DET1: variants seen among roughly 807,000 people sequenced by gnomAD.
DET1 encodes the protein DET1 homolog.
DET1 carries 22 observed loss-of-function variants against 43.7 expected under a neutral mutation model. The ratio of observed to expected loss-of-function variants is 0.50; its 90% CI spans 0.36 to 0.72. DET1 has a LOEUF of 0.72. Among genes scored for constraint, DET1 ranks in the 30% least tolerant of loss-of-function variants. The pLI, the probability that DET1 is intolerant of heterozygous loss-of-function variation, is 0.00. For missense variants in DET1, 713 were observed against 713.3 expected, an observed-to-expected ratio of 1.00 and a Z score of 0.00; for synonymous variants, 315 against 266.2, an observed-to-expected ratio of 1.18 and a Z score of -1.79.
At chr15:88,545,655 T>G (rs1437498395) in intron 1 of DET1, among the ~76,000 whole-genome samples, 1 of 75,294 alleles carries the variant, frequency 1.3e-5, no homozygotes, top group African/African-American at 7.7e-5. Flanking sequence ...AACTTATGTA[T>G]CTTAAGACTC....
At position 88,504,720 on chromosome 15, in the gene DET1, C is replaced by T. The variant is rs867116996; in HGVS notation, c.*2066-733G>A. On this transcript the variant is annotated intron_variant and NMD_transcript_variant, in intron 7 of 8. Transcript: ENST00000557842. The surrounding 1 kb of genome is among the most constrained non-coding windows in gnomAD (Gnocchi z 4.7). ...ACCCCAGGGCCAGGTACCAGACAACCAGGGATAGCACCTAGACCCCAGGGC... is the reference window on the plus strand; with the variant it reads ...ACCCCAGGGCCAGGTACCAGACAACTAGGGATAGCACCTAGACCCCAGGGC... The T allele has an allele frequency of 2.7e-4, 41 of 152,248 alleles. No homozygotes were observed. The highest frequency in any genetic ancestry group is 8.9e-4 in the African/African-American group (37 of 41,538). The allele number at this position is 152,248 out of a possible 1,614,324, so 9.4% of individuals were successfully genotyped here. A position where few individuals can be genotyped will look rare whatever the true frequency, so the allele number is the denominator to read the frequency against.
intron 8 of DET1, chr15:88,501,921 TTTGTTG>T (rs1208094798): frequency 6.6e-6 from 1 of 152,204 alleles, no homozygotes; most frequent in Non-Finnish European, 1.5e-5. Context: ...TCCATTTGTT[TTTGTTG>T]TTGTTGCTTT....
In DET1 at chr15:88,536,646, C is replaced by T. The variant is rs185532294; in HGVS notation, c.-10-4931G>A. Among the ~76,000 whole-genome samples, 192 of 151,336 alleles carry T rather than the reference C, an allele frequency of 1.3e-3. 1 individual carries two copies. The highest frequency in any genetic ancestry group is 4.4e-3 in the African/African-American group (180 of 41,178). ...TACAAAAATTAGCTGGGCATGGTGG[C>T]GGGGACTCCAGCTACACAGGAGGCT... On this transcript the variant is annotated intron_variant, in intron 1 of 4. Coordinates refer to ENST00000268148, the MANE Select transcript of DET1 (RefSeq NM_001144074.3).
chr15:88,514,200 C>T (rs1384672786), intron 4 of DET1, among the ~76,000 whole-genome samples: 1 of 152,018 alleles, frequency 6.6e-6, no homozygotes, highest in African/African-American at 2.4e-5. Context: ...TGCTTCCATC[C>T]CTCCTAGTAT....
At position 88,530,603 on chromosome 15, in the gene DET1, G is replaced by A. The variant is rs779999645; in HGVS notation, c.1083+20C>T. The A allele has an allele frequency of 6.4e-7, 1 of 1,566,966 alleles. No homozygotes were observed. Among genetic ancestry groups the A allele is most frequent in the Non-Finnish European group, 8.6e-7 (1 of 1,156,362 alleles). ...TGCCAAGGAGATTAGACAAGTAAAA[G>A]GCAGGAGTGTACCTCATACCTGTGA... On this transcript the variant is annotated intron_variant, in intron 2 of 4. Coordinates refer to ENST00000268148, the MANE Select transcript of DET1 (RefSeq NM_001144074.3).
intron 7 of DET1, among the ~76,000 whole-genome samples, chr15:88,506,175 C>G (rs978370773): frequency 2.6e-5 from 4 of 152,196 alleles, no homozygotes; most frequent in Non-Finnish European, 5.9e-5. Flanking sequence ...TTAGTACTCA[C>G]TTAGTGCTCA....
At chr15:88,540,563 G>A (rs956092596) in intron 1 of DET1, among the ~76,000 whole-genome samples, 13 of 152,178 alleles carry the variant, frequency 8.5e-5, no homozygotes, top group African/African-American at 3.1e-4. Flanking sequence ...GTGGGGAAAA[G>A]CAAGAGAGAT....
intron 2 of DET1, among the ~76,000 whole-genome samples, chr15:88,528,279 G>C (rs11638273): frequency 6.6e-6 from 1 of 152,034 alleles, no homozygotes; most frequent in Non-Finnish European, 1.5e-5. Context: ...TCTCTTGTAA[G>C]TGTACAGTTG....
At chr15:88,521,051 C>A (rs1009310626) in intron 3 of DET1, among the ~76,000 whole-genome samples, 1 of 152,174 alleles carries the variant, frequency 6.6e-6, no homozygotes, top group African/African-American at 2.4e-5. Flanking sequence ...ATAGTTAAAG[C>A]CAAAGCCATA....
In DET1 at chr15:88,512,848, G is replaced by C; in HGVS notation, c.*103C>G. 1 of 1,512,838 alleles carries C rather than the reference G, an allele frequency of 6.6e-7. No individual in the cohort carries two copies. Among genetic ancestry groups the C allele is most frequent in the East Asian group, 2.3e-5 (1 of 43,160 alleles). 93.7% of individuals were successfully genotyped at this position (1,512,838 alleles called of 1,614,324 possible). On this transcript the variant is annotated 3_prime_UTR_variant, in exon 5 of 5. Transcript: ENST00000268148. Reference sequence around the variant, plus strand: ...CTCCCATCTGAGGTATAGCAGGCTGGAACTAACAGAGCTAGTAGTCGGGAG... The same window carrying C: ...CTCCCATCTGAGGTATAGCAGGCTGCAACTAACAGAGCTAGTAGTCGGGAG...
At chr15:88,537,590 T>C (rs199814919) in intron 1 of DET1, among the ~76,000 whole-genome samples, 7 of 151,776 alleles carry the variant, frequency 4.6e-5, no homozygotes, top group Non-Finnish European at 7.4e-5. Context: ...ATAGGCAGAG[T>C]TGAGCAGCTG....
chr15:88,510,763 T>G (rs1442457734), downstream of DET1, among the ~76,000 whole-genome samples: 1 of 146,702 alleles, frequency 6.8e-6, no homozygotes, highest in Non-Finnish European at 1.5e-5. Flanking sequence ...TGTTTTGTTT[T>G]TTTTTTTGTT....
At chr15:88,535,042 A>G (rs1017361010) in intron 1 of DET1, among the ~76,000 whole-genome samples, 5 of 152,348 alleles carry the variant, frequency 3.3e-5, no homozygotes, top group Non-Finnish European at 7.3e-5. Flanking sequence ...AAATGTTCCA[A>G]TAAGTAATCA....
chr15:88,530,001 C>T (rs1296446958), intron 2 of DET1, among the ~76,000 whole-genome samples: 1 of 152,200 alleles, frequency 6.6e-6, no homozygotes, highest in South Asian at 2.1e-4. Flanking sequence ...TGATGACTCT[C>T]CTCACGGATC....
At chr15:88,519,831 T>A (rs2056442401) in intron 3 of DET1, among the ~76,000 whole-genome samples, 1 of 152,154 alleles carries the variant, frequency 6.6e-6, no homozygotes, top group Admixed American at 6.5e-5. Context: ...GGCCATGAAC[T>A]TTATGTGGGC....
In DET1 at chr15:88,543,069, G is replaced by C. The variant is rs138219871; in HGVS notation, c.-11+3471C>G. Among the ~76,000 whole-genome samples, 505 of 152,314 alleles carry C rather than the reference G, an allele frequency of 3.3e-3. 3 individuals are homozygous for C. The highest frequency in any genetic ancestry group is 0.011 in the African/African-American group (475 of 41,566). On this transcript the variant is annotated intron_variant, in intron 1 of 4. Transcript: ENST00000268148. ...TGATTTGGACAGACACCGAAGAACA[G>C]GCTTTTCAAAATCTGAAAAAGACTT...
downstream of DET1, among the ~76,000 whole-genome samples, chr15:88,508,537 C>T (rs1366160992): frequency 6.6e-6 from 1 of 152,128 alleles, no homozygotes; most frequent in Non-Finnish European, 1.5e-5. Context: ...GGAAAAAAAA[C>T]ATATACTGTC....
At chr15:88,512,354 T>G (rs1475588786), downstream of DET1, 15 of 985,194 alleles carry the variant, frequency 1.5e-5, no homozygotes, top group African/African-American at 1.7e-5. Context: ...CACTTACCAC[T>G]TAGTTCTCCC....
chr15:88,511,398 C>A, downstream of DET1: 5 of 985,448 alleles, frequency 5.1e-6, no homozygotes, highest in Non-Finnish European at 6.0e-6. Flanking sequence ...CTCCCTCACC[C>A]CAGTGTATGC....
Sources: allele counts gnomAD v4.1 joint callset (sites outside exome capture counted in the v4.1 genomes callset), GRCh38; gene constraint gnomAD v4.1.1; non-coding constraint Gnocchi (gnomAD v3.1); transcripts MANE v1.5; gene names NCBI Gene and HGNC (gene_info 2026-07-23, HGNC 2026-07-21).